The following RESP18 variants were observed in gnomAD, a reference collection of about 807,000 sequenced individuals.
The protein encoded by RESP18 is regulated endocrine-specific protein 18.
In RESP18, 30 loss-of-function variants were observed where a neutral mutation model predicts 30.0. That is an observed-to-expected ratio of 1.00 (90% CI 0.75 to 1.36). The LOEUF (loss-of-function observed/expected upper bound fraction) is 1.36. RESP18 is among the 40% of genes most tolerant of loss of function. The pLI is 0.00. For missense variants in RESP18, 320 were observed against 284.2 expected (o/e 1.13, Z -0.91); for synonymous variants, 117 against 111.2 (o/e 1.05, Z -0.33).
intron 6 of RESP18, 55 bp from the exon 6 acceptor site, chr2:219,327,618 C>G (rs1432567514): frequency 2.9e-5 from 39 of 1,366,596 alleles, no homozygotes; most frequent in Non-Finnish European, 3.7e-5. Flanking sequence ...AGTGGCTCCT[C>G]CCTCATCTGC....
chr2:219,330,759 G>C lies in RESP18; in HGVS notation c.337+12C>G. ...ACCAGGCCCCAACCTCTGTTCTCCA[G>C]CTTTTACTTACCTTGGGGTATAATC... On this transcript the variant is annotated intron_variant, in intron 3 of 6. Transcript: ENST00000333527. 1 of 1,526,496 alleles carries C rather than the reference G, an allele frequency of 6.6e-7. No homozygotes were observed. Among genetic ancestry groups the C allele is most frequent in the Non-Finnish European group, 8.9e-7 (1 of 1,124,976 alleles). 94.6% of individuals were successfully genotyped at this position (1,526,496 alleles called of 1,614,324 possible).
chr2:219,330,529 AGTTTT>A (rs1952818892), intron 3 of RESP18, among the ~76,000 whole-genome samples: 1 of 135,028 alleles, frequency 7.4e-6, no homozygotes, highest in Non-Finnish European at 1.5e-5. Flanking sequence ...GGCCGTTTTC[AGTTTT>A]GTTTTTTTTT....
chr2:219,329,698 A>G lies in RESP18; in HGVS notation c.404T>C (p.Leu135Pro), dbSNP rs759042362. The G allele has an allele frequency of 3.9e-6, 6 of 1,551,676 alleles. No individual in the cohort carries two copies. Among genetic ancestry groups the G allele is most frequent in the Middle Eastern group, 1.7e-4 (1 of 5,968 alleles). ...CTTCAGGCATGGTTCTTGGGGATGCAGTCTGCTGGCATGCTCCATCTTTTG... is the reference window on the plus strand; with the variant it reads ...CTTCAGGCATGGTTCTTGGGGATGCGGTCTGCTGGCATGCTCCATCTTTTG... Residue 135 changes from leucine (L) to proline (P), a missense_variant, in exon 4 of 7, where the codon CTG (leucine) becomes CCG (proline). Physicochemically the swap from Leu to Pro is moderately conservative, Grantham distance 98 (BLOSUM62 -3). Transcript: ENST00000333527.
intron 1 of RESP18, 70 bp from the exon 1 acceptor site, chr2:219,332,814 C>G: frequency 1.7e-6 from 2 of 1,147,530 alleles, no homozygotes; most frequent in East Asian, 2.6e-5. Context: ...AGCTCCTTCC[C>G]CTACCGCCTC....
chr2:219,332,088 C>T (rs1006692491), intron 2 of RESP18, among the ~76,000 whole-genome samples: 1 of 152,184 alleles, frequency 6.6e-6, no homozygotes, highest in African/African-American at 2.4e-5. Context: ...CTCCATCCTG[C>T]TTTCCCTCAG....
intron 2 of RESP18, 24 bp downstream of exon 1, chr2:219,332,500 G>A (rs775313729): frequency 2.0e-6 from 3 of 1,529,180 alleles, no homozygotes; most frequent in Non-Finnish European, 2.7e-6. Flanking sequence ...GGCCCTGCCC[G>A]CACCCCCCAG....
chr2:219,330,861 C>G lies in RESP18; in HGVS notation c.247G>C (p.Val83Leu). The G allele has an allele frequency of 6.4e-7, 1 of 1,551,228 alleles. No individual in the cohort carries two copies. Among genetic ancestry groups the G allele is most frequent in the Non-Finnish European group, 8.7e-7 (1 of 1,146,550 alleles). Residue 83 changes from valine (V) to leucine (L), a missense_variant, in exon 3 of 7, where the codon GTA becomes CTA. By Grantham distance (32) the Val-to-Leu change is conservative (BLOSUM62 1). Transcript: ENST00000333527. ...AGGGGCCAAAGCTGCCCCACTCCTACTTGGTCCTGACCATCTAAGGGCAAA... is the reference window on the plus strand; with the variant it reads ...AGGGGCCAAAGCTGCCCCACTCCTAGTTGGTCCTGACCATCTAAGGGCAAA...
chr2:219,329,449 C>T (rs1340453448), intron 4 of RESP18, 188 bp downstream of exon 3: 2 of 1,550,928 alleles, frequency 1.3e-6, no homozygotes, highest in Non-Finnish European at 1.7e-6. Context: ...GCTTGCCACA[C>T]CCACCTCCCC....
At chr2:219,328,619 C>T (rs778232095) in intron 6 of RESP18, among the ~76,000 whole-genome samples, 1 of 152,172 alleles carries the variant, frequency 6.6e-6, no homozygotes, top group Non-Finnish European at 1.5e-5. Context: ...GAGTATGTCC[C>T]ATGGCCTGGG....
In RESP18 at chr2:219,328,931, C is replaced by A; in HGVS notation, c.633G>T (p.Lys211Asn). ...TTTAAACTCAATACTTACGCATGATCTTATAGATAATTTCTTCCTTAGAGG... is the reference window on the plus strand; with the variant it reads ...TTTAAACTCAATACTTACGCATGATATTATAGATAATTTCTTCCTTAGAGG... Residue 211 changes from lysine (K) to asparagine (N), a missense_variant, in exon 6 of 7, where the codon AAG (lysine) becomes AAT (asparagine). Lys to Asn is a moderately conservative substitution (Grantham distance 94, BLOSUM62 0). Coordinates refer to ENST00000333527, the MANE Select transcript of RESP18 (RefSeq NM_001007089.4). 1.3e-6 allele frequency: 2 copies of A among 1,548,546 alleles called. No individual in the cohort carries two copies. Among genetic ancestry groups the A allele is most frequent in the Non-Finnish European group, 1.7e-6 (2 of 1,144,090 alleles).
intron 1 of RESP18, among the ~76,000 whole-genome samples, 163 bp from the exon 1 acceptor site, chr2:219,332,907 T>C (rs1952849537): frequency 6.6e-6 from 1 of 152,026 alleles, no homozygotes; most frequent in African/African-American, 2.4e-5. Flanking sequence ...GTACTCCCAG[T>C]CCTAAGGCTG....
rs940265770 is a variant in RESP18, at chr2:219,329,543, G to A, written c.465+94C>T. The A allele has an allele frequency of 1.9e-6, 3 of 1,539,418 alleles. No individual in the cohort carries two copies. In the African/African-American group the frequency reaches 4.1e-5, roughly 21 times the overall value. ...ACCTCTGAATTCTCACAGTGCTCCTGGCAACTTCTACCTGCAGTTTTAGCA... is the reference window on the plus strand; with the variant it reads ...ACCTCTGAATTCTCACAGTGCTCCTAGCAACTTCTACCTGCAGTTTTAGCA... On this transcript the variant is annotated intron_variant, in intron 4 of 6. Coordinates refer to ENST00000333527, the MANE Select transcript of RESP18 (RefSeq NM_001007089.4).
Position 219,327,565 on chromosome 2 carries a change from T to C in RESP18, c.641-2A>G. The C allele has an allele frequency of 6.4e-7, 1 of 1,551,422 alleles. No homozygotes were observed. The highest frequency in any genetic ancestry group is 8.7e-7 in the Non-Finnish European group (1 of 1,146,800). On this transcript the variant is annotated splice_acceptor_variant, in intron 6 of 6. Coordinates refer to ENST00000333527, the MANE Select transcript of RESP18 (RefSeq NM_001007089.4). LOFTEE classifies it high-confidence loss of function. ...AGTAGGAAGTGGCCCAGAGAAGCCC[T>C]AAAACAAGAAGAAACAAGGGAGCTA... is the stretch of plus-strand genomic sequence containing the variant.
rs1277356000 is a variant in RESP18, at chr2:219,332,539, C to T, written c.217G>A (p.Asp73Asn). The change falls in exon 2 of 7, where the codon GAC becomes AAC. Residue 73 changes from aspartate (D) to asparagine (N), a missense_variant. By Grantham distance (23) the Asp-to-Asn change is conservative. Coordinates refer to ENST00000333527, the MANE Select transcript of RESP18 (RefSeq NM_001007089.4). ...TCCTCCTGACCGTGGGCACTAGTGTCGCTGCAGCCCCCCGGGCAGCTGTTC... is the reference window on the plus strand; with the variant it reads ...TCCTCCTGACCGTGGGCACTAGTGTTGCTGCAGCCCCCCGGGCAGCTGTTC... 5.2e-6 allele frequency: 8 copies of T among 1,550,868 alleles called. No homozygotes were observed. The Admixed American group carries it at 1.6e-4, about 30-fold the overall frequency.
chr2:219,329,385 A>G, intron 4 of RESP18, 133 bp from the exon 4 acceptor site: 2 of 1,551,560 alleles, frequency 1.3e-6, no homozygotes, highest in Non-Finnish European at 1.7e-6. Flanking sequence ...GGGGAATAGG[A>G]GTTGAAGTTT....
intron 4 of RESP18, 71 bp downstream of exon 3, chr2:219,329,566 G>A: frequency 6.5e-7 from 1 of 1,544,410 alleles, no homozygotes; most frequent in Non-Finnish European, 8.8e-7. Flanking sequence ...TGCAGTTTTA[G>A]CACACATTCC....
In RESP18 at chr2:219,329,244, CA is replaced by C. The variant is rs1446641782; in HGVS notation, c.473del (p.Leu158ArgfsTer4). The C allele has an allele frequency of 1.3e-6, 2 of 1,551,530 alleles. No individual in the cohort carries two copies. Among genetic ancestry groups the C allele is most frequent in the African/African-American group, 1.4e-5 (1 of 73,002 alleles). Reference sequence around the variant, plus strand: ...AGCACTGATCCCTGTTCACCTTGGCCAGGGGGCTCTGTGAGGAGGGAAACCA... The same window carrying C: ...AGCACTGATCCCTGTTCACCTTGGCCGGGGGCTCTGTGAGGAGGGAAACCA... On this transcript the variant is annotated frameshift_variant, in exon 5 of 7. Coordinates refer to ENST00000333527, the MANE Select transcript of RESP18 (RefSeq NM_001007089.4). LOFTEE classifies it high-confidence loss of function.
chr2:219,327,676 C>T (rs1952787678), intron 6 of RESP18, 113 bp from the exon 6 acceptor site: 1 of 898,590 alleles, frequency 1.1e-6, no homozygotes, highest in African/African-American at 1.7e-5. Flanking sequence ...AGTAACCCTT[C>T]AGCATGGTGA....
Position 219,332,770 on chromosome 2 carries a change from C to T in RESP18, c.18-32G>A, listed in dbSNP as rs2385402. 28 of 1,493,464 alleles carry T rather than the reference C, an allele frequency of 1.9e-5. 2 individuals carry two copies. In the African/African-American group the frequency reaches 2.1e-4, roughly 11 times the overall value. The allele number at this position is 1,493,464 out of a possible 1,614,324, so 92.5% of individuals were successfully genotyped here. A position where few individuals can be genotyped will look rare whatever the true frequency, so the allele number is the denominator to read the frequency against. On this transcript the variant is annotated intron_variant, in intron 1 of 6. Coordinates refer to ENST00000333527, the MANE Select transcript of RESP18 (RefSeq NM_001007089.4). The stretch of plus-strand genomic sequence containing the variant: ...AACCCTCCTCGGCAGTTCAGCCAAT[C>T]GTGAGCGGGCCCTGCCCCTGCGGTC...
Sources: allele counts gnomAD v4.1 joint callset (sites outside exome capture counted in the v4.1 genomes callset), GRCh38; gene constraint gnomAD v4.1.1; transcripts MANE v1.5; gene names NCBI Gene and HGNC (gene_info 2026-07-23, HGNC 2026-07-21).